Variants in PCSK2 observed in about 807,000 individuals in gnomAD.
PCSK2 encodes the protein proprotein convertase subtilisin/kexin type 2.
Under a neutral mutation model 69.7 loss-of-function variants are expected in PCSK2, and 14 were observed. That is an observed-to-expected ratio of 0.20 (90% CI 0.13 to 0.31). The LOEUF is 0.31. Among genes scored for constraint, PCSK2 ranks in the 10% least tolerant of loss-of-function variants. The pLI is 1.00. For synonymous variants in PCSK2, 307 were observed against 320.7 expected (o/e 0.96, Z 0.46); for missense variants, 544 against 842.5 (o/e 0.65, Z 4.39).
intron 1 of PCSK2, among the ~76,000 whole-genome samples, chr20:17,239,465 G>A (rs893694111): frequency 1.3e-5 from 2 of 152,044 alleles, no homozygotes; most frequent in African/African-American, 4.8e-5. Context: ...AGAGGAGAAG[G>A]GACAGGGATC....
intron 11 of PCSK2, among the ~76,000 whole-genome samples, chr20:17,475,539 C>G (rs2033276538): frequency 6.6e-6 from 1 of 151,850 alleles, no homozygotes; most frequent in Non-Finnish European, 1.5e-5. Context: ...GGGCTGTGGT[C>G]TTATTTCTAG....
chr20:17,383,617 T>A (rs2031149548), intron 5 of PCSK2, among the ~76,000 whole-genome samples: 1 of 151,936 alleles, frequency 6.6e-6, no homozygotes, highest in South Asian at 2.1e-4. Context: ...TATTTTCCAC[T>A]CAGTTAAGTA....
chr20:17,406,979 G>A (rs2031765385), intron 5 of PCSK2, among the ~76,000 whole-genome samples: 2 of 152,128 alleles, frequency 1.3e-5, no homozygotes, highest in African/African-American at 4.8e-5. Context: ...CATTGGCCTC[G>A]GTGGTCAGTT....
intron 5 of PCSK2, among the ~76,000 whole-genome samples, chr20:17,381,667 C>A (rs926119223): frequency 3.3e-5 from 5 of 152,132 alleles, no homozygotes; most frequent in Admixed American, 2.0e-4. Flanking sequence ...AACACTGGGT[C>A]TTTGTTGATC....
intron 11 of PCSK2, chr20:17,479,195 G>A: frequency 2.2e-6 from 3 of 1,379,868 alleles, no homozygotes; most frequent in Non-Finnish European, 2.1e-6. Context: ...GAGCTGCTGT[G>A]CGAAAGCCAT....
intron 6 of PCSK2, among the ~76,000 whole-genome samples, chr20:17,417,845 G>A (rs2032035010): frequency 6.6e-6 from 1 of 152,154 alleles, no homozygotes; most frequent in Non-Finnish European, 1.5e-5. Flanking sequence ...AATTGGTTAT[G>A]GGTTAATCAT....
intron 5 of PCSK2, among the ~76,000 whole-genome samples, chr20:17,399,004 G>T (rs1320645332): frequency 6.6e-6 from 1 of 152,070 alleles, no homozygotes; most frequent in African/African-American, 2.4e-5. Context: ...ATTTGCTATT[G>T]TACAATGGGG....
intron 2 of PCSK2, among the ~76,000 whole-genome samples, chr20:17,357,622 C>T (rs1025541161): frequency 8.5e-5 from 13 of 152,174 alleles, no homozygotes; most frequent in African/African-American, 2.9e-4. Context: ...CAGCCAGGTG[C>T]GGTGGCTCAT....
intron 2 of PCSK2, among the ~76,000 whole-genome samples, chr20:17,334,546 C>T (rs2206454): frequency 0.24 from 37,203 of 151,918 alleles, 4,856 homozygotes; most frequent in Middle Eastern, 0.34. Context: ...TCCAGGGCCA[C>T]GGATGGCCAA....
At chr20:17,432,267 A>G (rs556628626) in intron 7 of PCSK2, among the ~76,000 whole-genome samples, 1 of 152,250 alleles carries the variant, frequency 6.6e-6, no homozygotes, top group Admixed American at 6.5e-5. Context: ...GGTGTGTCCC[A>G]AAGGTTAGCC....
intron 6 of PCSK2, among the ~76,000 whole-genome samples, chr20:17,427,238 G>T (rs559649404): frequency 3.3e-5 from 5 of 152,134 alleles, no homozygotes; most frequent in Non-Finnish European, 7.3e-5. Flanking sequence ...TATTCATATT[G>T]CTGGATATAT....
At chr20:17,425,629 T>G (rs2032231504) in intron 6 of PCSK2, among the ~76,000 whole-genome samples, 1 of 152,214 alleles carries the variant, frequency 6.6e-6, no homozygotes, top group Non-Finnish European at 1.5e-5. Context: ...CAAATAAATC[T>G]TGGCCCTGAA....
chr20:17,449,616 C>T (rs568211497), intron 8 of PCSK2, among the ~76,000 whole-genome samples: 3 of 142,504 alleles, frequency 2.1e-5, no homozygotes, highest in Middle Eastern at 3.4e-3. Flanking sequence ...CCGCAACCTC[C>T]GCCTCCTGGG....
intron 5 of PCSK2, among the ~76,000 whole-genome samples, chr20:17,373,297 C>T (rs2030828475): frequency 6.6e-6 from 1 of 152,182 alleles, no homozygotes; most frequent in Non-Finnish European, 1.5e-5. Flanking sequence ...CTCTGGGAGA[C>T]AGCATAGAAT....
chr20:17,327,589 A>T (rs1334260618), intron 2 of PCSK2, among the ~76,000 whole-genome samples: 1 of 152,084 alleles, frequency 6.6e-6, no homozygotes, highest in Non-Finnish European at 1.5e-5. Flanking sequence ...CGGCGCCCGG[A>T]CCTGCTCGCT....
chr20:17,333,896 C>T (rs1990269530), intron 2 of PCSK2, among the ~76,000 whole-genome samples: 1 of 80,754 alleles, frequency 1.2e-5, no homozygotes, highest in South Asian at 5.2e-4. Flanking sequence ...ACATTTCTTC[C>T]TTCTAAGTCA....
chr20:17,466,074 G>A (rs746028995), intron 11 of PCSK2, among the ~76,000 whole-genome samples: 2 of 152,156 alleles, frequency 1.3e-5, no homozygotes, highest in African/African-American at 2.4e-5. Flanking sequence ...TTGGTTGTGA[G>A]CCTTAACTGT....
chr20:17,455,763 T>C (rs1019358906), intron 9 of PCSK2, among the ~76,000 whole-genome samples: 2 of 152,256 alleles, frequency 1.3e-5, no homozygotes, highest in African/African-American at 4.8e-5. Flanking sequence ...GTCTCTGGAA[T>C]AGCCACAGAT....
At chr20:17,241,886 A>G (rs959955518) in intron 1 of PCSK2, among the ~76,000 whole-genome samples, 1 of 152,230 alleles carries the variant, frequency 6.6e-6, no homozygotes, top group African/African-American at 2.4e-5. Flanking sequence ...GATATTCCAA[A>G]GAAATAATGC....
Sources: allele counts gnomAD v4.1 joint callset (sites outside exome capture counted in the v4.1 genomes callset), GRCh38; gene constraint gnomAD v4.1.1; transcripts MANE v1.5; gene names NCBI Gene and HGNC (gene_info 2026-07-23, HGNC 2026-07-21).